The following CAPN15 variants were observed in gnomAD, a reference collection of about 807,000 sequenced individuals.
The protein encoded by CAPN15 is calpain 15.
CAPN15 carries 53 observed loss-of-function variants against 97.9 expected under a neutral mutation model. The observed-to-expected ratio is 0.54, with a 90% CI of 0.43 to 0.68. The LOEUF (loss-of-function observed/expected upper bound fraction) is 0.68, where lower values mean the gene tolerates loss of function less well. Ranked by LOEUF, CAPN15 falls within the 30% of genes least tolerant of loss-of-function variation. The pLI is 0.00. For missense variants in CAPN15, 1,592 were observed against 1,589.8 expected, an observed-to-expected ratio of 1.00 and a Z score of -0.02; for synonymous variants, 922 against 722.5, an observed-to-expected ratio of 1.28 and a Z score of -4.43.
At position 552,857 on chromosome 16, in the gene CAPN15, G is replaced by GC. The variant is rs777914193; in HGVS notation, c.2905-3dup. ...CCTGCCCCACAACTGCCATTCCTGT[G>GC]CCCAGGGCCGTGAGGGCATGACCTG... On this transcript the variant is annotated splice_region_variant and splice_polypyrimidine_tract_variant and intron_variant, in intron 12 of 13. Coordinates refer to ENST00000219611, the MANE Select transcript of CAPN15 (RefSeq NM_005632.3). The surrounding 1 kb of genome is among the most constrained non-coding windows in gnomAD (Gnocchi z 6.4). The GC allele has an allele frequency of 1.1e-5, 17 of 1,594,378 alleles. No individual in the cohort carries two copies. The Admixed American group carries it at 2.9e-4, about 27-fold the overall frequency.
chr16:547,005 G>A lies in CAPN15; in HGVS notation c.167G>A (p.Arg56His), dbSNP rs1439652934. The A allele has an allele frequency of 5.6e-6, 9 of 1,609,998 alleles. No individual in the cohort carries two copies. Among genetic ancestry groups the A allele is most frequent in the South Asian group, 1.1e-5 (1 of 91,070 alleles). Residue 56 changes from arginine (R) to histidine (H), a missense_variant, in exon 4 of 14, where the codon CGC becomes CAC. Arg to His is a conservative substitution (Grantham distance 29). This residue lies in a region of CAPN15 where 883 missense variants were observed against 776.6 expected (regional missense o/e 1.14). Transcript: ENST00000219611. ...QKWPCARCTFRNFLGKEACEV... is the reference protein window; with the variant it reads ...QKWPCARCTFHNFLGKEACEV... ...TGGCCCTGCGCCCGCTGCACCTTCCGCAACTTCCTGGGCAAGGAGGCCTGC... is the reference window on the plus strand; with the variant it reads ...TGGCCCTGCGCCCGCTGCACCTTCCACAACTTCCTGGGCAAGGAGGCCTGC...
Position 546,926 on chromosome 16 carries a change from C to G in CAPN15, c.88C>G (p.Arg30Gly), listed in dbSNP as rs372909717. The G allele has an allele frequency of 8.7e-6, 14 of 1,610,936 alleles. No homozygotes were observed. Among genetic ancestry groups the G allele is most frequent in the Non-Finnish European group, 1.2e-5 (14 of 1,179,872 alleles). Reference protein sequence around the residue: ...QRQCSICEAPRHKPDLNHILR... With the variant: ...QRQCSICEAPGHKPDLNHILR... ...CCAGTGCTCCATCTGCGAGGCTCCC[C>G]GGCACAAGCCCGACCTCAACCACAT... Residue 30 changes from arginine to glycine, a missense_variant, in exon 4 of 14, where the codon CGG becomes GGG. Arg to Gly is a moderately radical substitution (Grantham distance 125). Around this residue, in one of 3 missense-constraint regions of CAPN15, gnomAD observed 883 missense variants for 776.6 expected, o/e 1.14. Coordinates refer to ENST00000219611, the MANE Select transcript of CAPN15 (RefSeq NM_005632.3).
chr16:551,788 G>A (rs767741437), intron 9 of CAPN15, 124 bp downstream of exon 9: 2 of 1,275,908 alleles, frequency 1.6e-6, no homozygotes, highest in Admixed American at 1.9e-5. Flanking sequence ...GGCCCAAATG[G>A]GACCTGGAGC....
chr16:542,678 C>T (rs2034202454), intron 3 of CAPN15, among the ~76,000 whole-genome samples: 1 of 152,120 alleles, frequency 6.6e-6, no homozygotes, highest in Non-Finnish European at 1.5e-5. Flanking sequence ...GCTTCTACTT[C>T]CTGGGTTCAA....
In CAPN15 at chr16:551,497, C is replaced by G. The variant is rs960546985; in HGVS notation, c.2193-15C>G. ...CGGGCAGTGTGGTTCAGATCCTCAC[C>G]CCTGTGGTCTGCAGGCTTCTGCGGC... On this transcript the variant is annotated splice_polypyrimidine_tract_variant and intron_variant, in intron 8 of 13. Coordinates refer to ENST00000219611, the MANE Select transcript of CAPN15 (RefSeq NM_005632.3). The G allele has an allele frequency of 6.2e-7, 1 of 1,606,936 alleles. No homozygotes were observed. Among genetic ancestry groups the G allele is most frequent in the Non-Finnish European group, 8.5e-7 (1 of 1,175,466 alleles).
intron 3 of CAPN15, among the ~76,000 whole-genome samples, chr16:541,370 C>T (rs1366352568): frequency 4.7e-5 from 7 of 150,424 alleles, no homozygotes; most frequent in African/African-American, 9.8e-5. Context: ...GAGGCAGGGC[C>T]GGGGAGGGGC....
chr16:532,856 A>G (rs910138014), intron 1 of CAPN15, among the ~76,000 whole-genome samples: 2 of 125,258 alleles, frequency 1.6e-5, no homozygotes, highest in African/African-American at 2.8e-5. Flanking sequence ...CTGTCAGAGA[A>G]AAAAAAAAAA....
At chr16:551,705 TC>T in intron 9 of CAPN15, 41 bp downstream of exon 9, 1 of 1,578,596 alleles carries the variant, frequency 6.3e-7, no homozygotes. Context: ...GCCCCCGCCC[TC>T]CTAGGGCCGA....
At chr16:553,240 T>C (rs2035241000) in intron 13 of CAPN15, 99 bp from the exon 14 acceptor site, 1 of 674,916 alleles carries the variant, frequency 1.5e-6, no homozygotes, top group African/African-American at 2.2e-5. Context: ...TACGGGTGTT[T>C]GTCACCCCAC....
rs182412183 is a variant in CAPN15 at position 534,021 on chromosome 16, C to T, written c.-137+23C>T. 6.7e-5 allele frequency: 66 copies of T among 982,946 alleles called. No individual in the cohort carries two copies. In the East Asian group the frequency reaches 3.2e-3, roughly 47 times the overall value. The allele number at this position is 982,946 out of a possible 1,614,324, so 60.9% of individuals were successfully genotyped here. A position where few individuals can be genotyped will look rare whatever the true frequency, so the allele number is the denominator to read the frequency against. On this transcript the variant is annotated intron_variant, in intron 2 of 13. Coordinates refer to ENST00000219611, the MANE Select transcript of CAPN15 (RefSeq NM_005632.3). ...CAGGTGAGTTTGTTCCCAAGCCCTG[C>T]GGCTCGTTTATGGGTTTGCTTGCGC...
At chr16:550,569 GCTCAGCCATGCCCCCA>G (rs2034917397) in intron 7 of CAPN15, among the ~76,000 whole-genome samples, 1 of 151,694 alleles carries the variant, frequency 6.6e-6, no homozygotes, top group Non-Finnish European at 1.5e-5. Context: ...TGAGGGCCCC[GCTCAGCCATGCCCCCA>G]GTCGGTGAGG....
chr16:529,306 G>A (rs2033077485), intron 1 of CAPN15, among the ~76,000 whole-genome samples: 1 of 152,150 alleles, frequency 6.6e-6, no homozygotes, highest in Non-Finnish European at 1.5e-5. Flanking sequence ...AGAGCAGGAA[G>A]TGGCTGGTCC....
chr16:551,873 C>A, intron 9 of CAPN15, 178 bp from the exon 10 acceptor site: 2 of 967,898 alleles, frequency 2.1e-6, no homozygotes, highest in Non-Finnish European at 3.2e-6. Context: ...AAGAGCCGGC[C>A]CTGGAGGGCT....
At chr16:531,967 C>T (rs908921290) in intron 1 of CAPN15, among the ~76,000 whole-genome samples, 7 of 152,284 alleles carry the variant, frequency 4.6e-5, no homozygotes, top group Admixed American at 1.3e-4. Flanking sequence ...GGGCTGGGTG[C>T]GGTGGCTGAC....
rs142621545 is a variant in CAPN15 at position 546,965 on chromosome 16, G to T, written c.127G>T (p.Val43Leu). 28 of 1,610,232 alleles carry T rather than the reference G, an allele frequency of 1.7e-5. No homozygotes were observed. Among genetic ancestry groups the T allele is most frequent in the Non-Finnish European group, 2.4e-5 (28 of 1,179,900 alleles). Residue 43 changes from valine (V) to leucine (L), a missense_variant, in exon 4 of 14, where the codon GTG becomes TTG. This residue lies in a region of CAPN15 where 883 missense variants were observed against 776.6 expected (regional missense o/e 1.14). Transcript: ENST00000219611. Reference sequence around the variant, plus strand: ...CCTCAACCACATCCTGCGGCTCAGCGTGGAGGAGCAGAAATGGCCCTGCGC... The same window carrying T: ...CCTCAACCACATCCTGCGGCTCAGCTTGGAGGAGCAGAAATGGCCCTGCGC... Reference protein sequence around the residue: ...PDLNHILRLSVEEQKWPCARC... With the variant: ...PDLNHILRLSLEEQKWPCARC...
intron 3 of CAPN15, chr16:537,585 T>A: frequency 3.1e-6 from 1 of 321,094 alleles, no homozygotes; most frequent in Non-Finnish European, 4.5e-6. Flanking sequence ...CCTCCGCTAG[T>A]CGCCGCTCCC....
In CAPN15 at chr16:527,845, C is replaced by G. The variant is rs1461377242; in HGVS notation, c.-374C>G. ...CGCGGGCAGGGGCCGGGGCCGGAGC[C>G]GGGTCGGGGCGCCCCGCGGCTGAGG... On this transcript the variant is annotated 5_prime_UTR_variant, in exon 1 of 14. Coordinates refer to ENST00000219611, the MANE Select transcript of CAPN15 (RefSeq NM_005632.3). 6.8e-6 allele frequency: 1 copy of G among 146,468 alleles called. No individual in the cohort carries two copies. Among genetic ancestry groups the G allele is most frequent in the African/African-American group, 2.5e-5 (1 of 40,672 alleles). The allele number at this position is 146,468 out of a possible 1,614,324, so 9.1% of individuals were successfully genotyped here.
intron 9 of CAPN15, 89 bp from the exon 10 acceptor site, chr16:551,962 G>A (rs1418437758): frequency 7.2e-7 from 1 of 1,380,034 alleles, no homozygotes; most frequent in Non-Finnish European, 1.0e-6. Flanking sequence ...GCACCTGCTG[G>A]GGTCACCGGC....
At position 547,240 on chromosome 16, in the gene CAPN15, G is replaced by A; in HGVS notation, c.402G>A (p.Gln134=). 6.7e-7 allele frequency: 1 copy of A among 1,488,774 alleles called. No individual in the cohort carries two copies. The allele number at this position is 1,488,774 out of a possible 1,614,324, so 92.2% of individuals were successfully genotyped here. Residue 134 remains glutamine, a synonymous_variant, in exon 4 of 14, where the codon CAG becomes CAA. Coordinates refer to ENST00000219611, the MANE Select transcript of CAPN15 (RefSeq NM_005632.3). ...AGGACGAGGAGGAGAAGGAGGAGCAGGAGGAGGAGGAGGGAGCGGCGGAGC... is the reference window on the plus strand; with the variant it reads ...AGGACGAGGAGGAGAAGGAGGAGCAAGAGGAGGAGGAGGGAGCGGCGGAGC... ...EDKDEEEKEE[Q]EEEEGAAEPR... is the part of the protein sequence containing the mutation.
Sources: gnomAD v4.1 joint callset for allele counts (sites outside exome capture counted in the v4.1 genomes callset) on GRCh38, gnomAD v4.1.1 for gene constraint, gnomAD v4.1.1 regional missense constraint, Gnocchi (gnomAD v3.1) non-coding constraint, MANE v1.5 for transcripts, NCBI Gene and HGNC (gene_info 2026-07-23, HGNC 2026-07-21) for gene names.